Variants in CACNB4 observed in about 807,000 individuals in gnomAD.
The protein encoded by CACNB4 is calcium voltage-gated channel auxiliary subunit beta 4, also known as voltage-dependent L-type calcium channel subunit beta-4.
Under a neutral mutation model 71.2 loss-of-function variants are expected in CACNB4, and 32 were observed. The observed-to-expected ratio is 0.45, with a 90% CI of 0.34 to 0.60. The LOEUF is 0.60. Among genes scored for constraint, CACNB4 ranks in the 20% least tolerant of loss-of-function variants. The pLI is 0.01. For missense variants in CACNB4, 464 were observed against 647.9 expected, an observed-to-expected ratio of 0.72 and a Z score of 3.08; for synonymous variants, 231 against 236.9, an observed-to-expected ratio of 0.97 and a Z score of 0.23.
In CACNB4 at chr2:151,835,921, T is replaced by C. The variant is rs1333968296; in HGVS notation, c.*3198A>G. 6.6e-6 allele frequency: 1 copy of C among 151,910 alleles called. No individual in the cohort carries two copies. Among genetic ancestry groups the C allele is most frequent in the East Asian group, 1.9e-4 (1 of 5,200 alleles). The allele number at this position is 151,910 out of a possible 1,614,324, so 9.4% of individuals were successfully genotyped here. ...TCATTTCATTAAAGACTAACTGCAA[T>C]GACTTATATAGTCACAAAATTAAGA... is the stretch of plus-strand genomic sequence containing the variant. On this transcript the variant is annotated 3_prime_UTR_variant, in exon 14 of 14. Coordinates refer to ENST00000539935, the MANE Select transcript of CACNB4 (RefSeq NM_000726.5).
At chr2:151,851,182 C>G (rs1269389749) in intron 12 of CACNB4, 2 of 152,178 alleles carry the variant, frequency 1.3e-5, no homozygotes, top group African/African-American at 4.8e-5. Flanking sequence ...TGAAGTAAAG[C>G]AGGGGCAAAT....
chr2:151,998,706 C>T (rs1032398103), intron 2 of CACNB4, among the ~76,000 whole-genome samples: 1 of 152,256 alleles, frequency 6.6e-6, no homozygotes, highest in African/African-American at 2.4e-5. Flanking sequence ...CAATAATAGG[C>T]TGGTCATCCC....
At chr2:151,921,788 C>T (rs756119193) in intron 2 of CACNB4, among the ~76,000 whole-genome samples, 8 of 152,242 alleles carry the variant, frequency 5.3e-5, no homozygotes, top group African/African-American at 1.4e-4. Flanking sequence ...TGAGTTCTCA[C>T]GAGATCTGGT....
chr2:151,935,448 G>C (rs775219451), intron 2 of CACNB4, among the ~76,000 whole-genome samples: 1 of 152,200 alleles, frequency 6.6e-6, no homozygotes, highest in African/African-American at 2.4e-5. Flanking sequence ...AAATTATCAT[G>C]TTGTCTCTGA....
chr2:151,922,374 A>T (rs1288905906), intron 2 of CACNB4, among the ~76,000 whole-genome samples: 2 of 151,928 alleles, frequency 1.3e-5, no homozygotes, highest in African/African-American at 4.8e-5. Context: ...GGCTAATTTT[A>T]TAATTTTTTG....
chr2:152,086,042 A>ATAC (rs1687644470), intron 2 of CACNB4, among the ~76,000 whole-genome samples: 1 of 152,176 alleles, frequency 6.6e-6, no homozygotes, highest in South Asian at 2.1e-4. Flanking sequence ...AATAAATAAA[A>ATAC]TACTTGTAAA....
chr2:151,941,108 A>C (rs933044264), intron 2 of CACNB4, among the ~76,000 whole-genome samples: 15 of 152,234 alleles, frequency 9.9e-5, no homozygotes, highest in African/African-American at 3.6e-4. Flanking sequence ...ATCCATTTCA[A>C]AGGATCTGGG....
At chr2:151,954,684 G>A (rs1458961702) in intron 2 of CACNB4, among the ~76,000 whole-genome samples, 3 of 152,162 alleles carry the variant, frequency 2.0e-5, no homozygotes, top group Non-Finnish European at 2.9e-5. Flanking sequence ...ATTATGATCT[G>A]AACTTGGAAA....
chr2:151,988,162 T>C (rs1039193422), intron 2 of CACNB4, among the ~76,000 whole-genome samples: 1 of 152,244 alleles, frequency 6.6e-6, no homozygotes, highest in Non-Finnish European at 1.5e-5. Context: ...TTACTGCTAC[T>C]GTATTTTTTT....
rs1330028903 is a variant in CACNB4 at position 151,833,312 on chromosome 2, G to A, written c.*5807C>T. The A allele has an allele frequency of 6.6e-6, 1 of 151,962 alleles. No individual in the cohort carries two copies. Among genetic ancestry groups the A allele is most frequent in the Non-Finnish European group, 1.5e-5 (1 of 67,934 alleles). 9.4% of individuals were successfully genotyped at this position (151,962 alleles called of 1,614,324 possible). A position where few individuals can be genotyped will look rare whatever the true frequency, so the allele number is the denominator to read the frequency against. On this transcript the variant is annotated 3_prime_UTR_variant, in exon 14 of 14. Transcript: ENST00000539935. ...AACACAGCTAATGGCTTTAACTTATGTTTCAAAGTAGTATTCAGTACAAAA... is the reference window on the plus strand; with the variant it reads ...AACACAGCTAATGGCTTTAACTTATATTTCAAAGTAGTATTCAGTACAAAA...
At chr2:152,061,855 T>C (rs1686032766) in intron 2 of CACNB4, among the ~76,000 whole-genome samples, 1 of 151,354 alleles carries the variant, frequency 6.6e-6, no homozygotes, top group Non-Finnish European at 1.5e-5. Context: ...CTACTAAAAA[T>C]ACAAAAATTA....
At chr2:151,853,423 G>A (rs752391615) in intron 12 of CACNB4, 25 bp downstream of exon 12, 1 of 1,431,420 alleles carries the variant, frequency 7.0e-7, no homozygotes, top group Non-Finnish European at 9.6e-7. Context: ...CAAGAATGAT[G>A]AAGACAAAAA....
At chr2:152,019,315 C>T (rs1683525370) in intron 2 of CACNB4, among the ~76,000 whole-genome samples, 1 of 152,150 alleles carries the variant, frequency 6.6e-6, no homozygotes, top group Admixed American at 6.5e-5. Flanking sequence ...TATATATAAG[C>T]ATCTTTTCAA....
chr2:152,033,881 A>G (rs1344953228), intron 2 of CACNB4, among the ~76,000 whole-genome samples: 2 of 152,202 alleles, frequency 1.3e-5, no homozygotes, highest in African/African-American at 2.4e-5. Flanking sequence ...TCACTCCTTC[A>G]GTTTGTAGGT....
intron 9 of CACNB4, 93 bp from the exon 10 acceptor site, chr2:151,860,913 C>T: frequency 1.3e-6 from 1 of 797,176 alleles, no homozygotes; most frequent in Non-Finnish European, 2.2e-6. Flanking sequence ...AACCAATTTA[C>T]ATGCTACAGG....
At chr2:151,902,309 G>A (rs2099853662) in intron 2 of CACNB4, among the ~76,000 whole-genome samples, 1 of 152,162 alleles carries the variant, frequency 6.6e-6, no homozygotes, top group African/African-American at 2.4e-5. Flanking sequence ...GGGATTACAG[G>A]AATGAGCCAG....
At chr2:151,850,922 T>G (rs1380110077) in intron 12 of CACNB4, 1 of 152,220 alleles carries the variant, frequency 6.6e-6, no homozygotes, top group Non-Finnish European at 1.5e-5. Flanking sequence ...GGTCCCCTTT[T>G]GCTTCAACAG....
intron 2 of CACNB4, among the ~76,000 whole-genome samples, chr2:151,958,356 G>A (rs1294720520): frequency 6.6e-6 from 1 of 152,198 alleles, no homozygotes; most frequent in Non-Finnish European, 1.5e-5. Context: ...CTGGTAACCG[G>A]GAGTCCCAGC....
At chr2:151,921,041 G>A (rs368154716) in intron 2 of CACNB4, among the ~76,000 whole-genome samples, 26 of 152,022 alleles carry the variant, frequency 1.7e-4, no homozygotes, top group African/African-American at 5.8e-4. Context: ...CTTGGGAGAC[G>A]CAGGAGAATG....
Sources: gnomAD v4.1 joint callset for allele counts (sites outside exome capture counted in the v4.1 genomes callset) on GRCh38, gnomAD v4.1.1 for gene constraint, MANE v1.5 for transcripts, NCBI Gene and HGNC (gene_info 2026-07-23, HGNC 2026-07-21) for gene names.